Variants in PPM1L observed in about 807,000 individuals in gnomAD.
PPM1L encodes the protein protein phosphatase, Mg2+/Mn2+ dependent 1L.
In PPM1L, 13 loss-of-function variants were observed where a neutral mutation model predicts 31.4. The observed-to-expected ratio is 0.41, with a 90% CI of 0.27 to 0.66. The LOEUF is 0.66. Among genes scored for constraint, PPM1L ranks in the 30% least tolerant of loss-of-function variants. The pLI is 0.29. For synonymous variants in PPM1L, 184 were observed against 175.4 expected, an observed-to-expected ratio of 1.05 and a Z score of -0.39; for missense variants, 326 against 453.7, an observed-to-expected ratio of 0.72 and a Z score of 2.56.
At chr3:160,988,583 C>T (rs1045770820) in intron 2 of PPM1L, among the ~76,000 whole-genome samples, 2 of 152,100 alleles carry the variant, frequency 1.3e-5, no homozygotes, top group Non-Finnish European at 2.9e-5. Context: ...AATATGGTTT[C>T]AATTTTGGTG....
chr3:160,774,907 T>C (rs533413151), intron 1 of PPM1L, among the ~76,000 whole-genome samples: 1 of 152,366 alleles, frequency 6.6e-6, no homozygotes, highest in Non-Finnish European at 1.5e-5. Context: ...TTCACATCTC[T>C]ATTGTGTTCC....
intron 2 of PPM1L, among the ~76,000 whole-genome samples, chr3:160,969,616 C>G (rs1381864028): frequency 6.6e-6 from 1 of 152,146 alleles, no homozygotes; most frequent in Non-Finnish European, 1.5e-5. Flanking sequence ...CAAACAGCTC[C>G]TAAGGGAAGA....
intron 1 of PPM1L, among the ~76,000 whole-genome samples, chr3:160,808,363 G>C (rs1341981400): frequency 1.4e-5 from 2 of 141,988 alleles, no homozygotes; most frequent in Non-Finnish European, 3.0e-5. Flanking sequence ...CTTCATAAGA[G>C]CTGCAGTGCC....
At chr3:160,797,436 T>G (rs904707748) in intron 1 of PPM1L, among the ~76,000 whole-genome samples, 2 of 152,206 alleles carry the variant, frequency 1.3e-5, no homozygotes, top group African/African-American at 2.4e-5. Context: ...GGCCAATTAG[T>G]AACTCTTCAG....
chr3:161,017,159 A>T (rs1030936404), intron 2 of PPM1L, among the ~76,000 whole-genome samples: 1 of 152,152 alleles, frequency 6.6e-6, no homozygotes. Flanking sequence ...GATTTTTAGA[A>T]AAAAGAGTGG....
At chr3:160,933,041 A>G (rs2108080653) in intron 1 of PPM1L, among the ~76,000 whole-genome samples, 1 of 152,300 alleles carries the variant, frequency 6.6e-6, no homozygotes, top group South Asian at 2.1e-4. Flanking sequence ...TTTATAAGAG[A>G]TCCATGAAGG....
At chr3:160,919,214 G>C (rs1714301944) in intron 1 of PPM1L, among the ~76,000 whole-genome samples, 1 of 152,192 alleles carries the variant, frequency 6.6e-6, no homozygotes, top group Non-Finnish European at 1.5e-5. Flanking sequence ...TTTGATTCAG[G>C]AGGCTGACTG....
chr3:161,011,414 C>CTG (rs1254131900), intron 2 of PPM1L, among the ~76,000 whole-genome samples: 1 of 152,208 alleles, frequency 6.6e-6, no homozygotes, highest in Non-Finnish European at 1.5e-5. Context: ...GTTTTGGTTA[C>CTG]TGTAGCCTTG....
intron 1 of PPM1L, among the ~76,000 whole-genome samples, chr3:160,797,227 C>T (rs1436164293): frequency 6.6e-6 from 1 of 152,060 alleles, no homozygotes; most frequent in Non-Finnish European, 1.5e-5. Context: ...ATTATTATAT[C>T]TGTCCTGGTG....
chr3:160,801,931 G>A (rs1028574013), intron 1 of PPM1L, among the ~76,000 whole-genome samples: 1 of 151,970 alleles, frequency 6.6e-6, no homozygotes, highest in Non-Finnish European at 1.5e-5. Context: ...TTTAGCCACC[G>A]CCTAATCTGC....
chr3:160,814,496 CATATATGTATGTGTATATATAT>C (rs1560114619), intron 1 of PPM1L, among the ~76,000 whole-genome samples: 26 of 141,316 alleles, frequency 1.8e-4, no homozygotes, highest in African/African-American at 6.6e-4. Flanking sequence ...CACACACACA[CATATATGTATGTGTATATATAT>C]ACACACACAT....
intron 2 of PPM1L, among the ~76,000 whole-genome samples, chr3:161,018,988 T>C (rs778035172): frequency 6.6e-6 from 1 of 152,360 alleles, no homozygotes; most frequent in South Asian, 2.1e-4. Context: ...CCCCAACTTA[T>C]TGAGGCATGA....
intron 1 of PPM1L, among the ~76,000 whole-genome samples, chr3:160,901,356 A>G (rs931829299): frequency 6.6e-6 from 1 of 151,882 alleles, no homozygotes; most frequent in African/African-American, 2.4e-5. Context: ...TCCATCTTTG[A>G]CCCTCCACAC....
At chr3:161,019,369 AT>A (rs1180320737) in intron 2 of PPM1L, among the ~76,000 whole-genome samples, 2 of 151,970 alleles carry the variant, frequency 1.3e-5, no homozygotes, top group African/African-American at 4.8e-5. Context: ...GATTTAAAAA[AT>A]TTTTTTTTGT....
chr3:160,785,934 TTGCCAAATTCCATTTGATAGATAC>T (rs1226699770), intron 1 of PPM1L, among the ~76,000 whole-genome samples: 1 of 150,954 alleles, frequency 6.6e-6, no homozygotes, highest in Non-Finnish European at 1.5e-5. Flanking sequence ...TTAATAGATA[TTGCCAAATTCCATTTGATAGATAC>T]TGCCAAACTC....
chr3:160,870,450 G>A (rs1712264262), intron 1 of PPM1L: 1 of 152,146 alleles, frequency 6.6e-6, no homozygotes, highest in Admixed American at 6.5e-5. Flanking sequence ...ATAATTAGGA[G>A]CCCCTTGCTC....
At chr3:160,915,260 A>G (rs893794809) in intron 1 of PPM1L, among the ~76,000 whole-genome samples, 3 of 152,212 alleles carry the variant, frequency 2.0e-5, no homozygotes, top group African/African-American at 7.2e-5. Flanking sequence ...CTTATACTCC[A>G]ATAATAGACA....
chr3:160,993,081 T>C (rs1717188886), intron 2 of PPM1L, among the ~76,000 whole-genome samples: 1 of 152,180 alleles, frequency 6.6e-6, no homozygotes, highest in African/African-American at 2.4e-5. Context: ...CAAGGTTTTT[T>C]TTTTTTTCTT....
At chr3:160,978,394 G>A (rs116641378) in intron 2 of PPM1L, among the ~76,000 whole-genome samples, 1,864 of 152,276 alleles carry the variant, frequency 0.012, 38 homozygotes, top group African/African-American at 0.043. Context: ...CACAGTGGTG[G>A]CGGAAATAAG....
Sources: gnomAD v4.1 joint callset for allele counts (sites outside exome capture counted in the v4.1 genomes callset) on GRCh38, gnomAD v4.1.1 for gene constraint, MANE v1.5 for transcripts, NCBI Gene and HGNC (gene_info 2026-07-23, HGNC 2026-07-21) for gene names.